The following CCDC187 variants were observed in gnomAD, a reference collection of about 807,000 sequenced individuals.
The protein encoded by CCDC187 is coiled-coil domain containing 187, also known as coiled-coil domain-containing protein 187.
Under a neutral mutation model 38.0 loss-of-function variants are expected in CCDC187, and 32 were observed. The ratio of observed to expected loss-of-function variants is 0.84; its 90% CI spans 0.64 to 1.13. The LOEUF is 1.13. Among genes scored for constraint, CCDC187 ranks in the 50% most tolerant of loss-of-function variants. The probability of loss-of-function intolerance (pLI) is 0.00; values close to 1 mark genes in which losing one functional copy is unlikely to be tolerated. For synonymous variants in CCDC187, 333 were observed against 347.9 expected (o/e 0.96, Z 0.48); for missense variants, 707 against 786.8 (o/e 0.90, Z 1.21).
chr9:136,300,946 G>A (rs1375445775), intron 2 of CCDC187, among the ~76,000 whole-genome samples: 1 of 152,204 alleles, frequency 6.6e-6, no homozygotes, highest in Non-Finnish European at 1.5e-5. Context: ...CCAGGCCTGA[G>A]AATGCATCCA....
rs1564305004 is a variant in CCDC187, at chr9:136,255,144, G to A, written c.4694-10C>T. On this transcript the variant is annotated splice_polypyrimidine_tract_variant and intron_variant, in intron 25 of 25. Coordinates refer to ENST00000638797, the MANE Select transcript of CCDC187 (RefSeq NM_001378188.1). ...GGGACCACAGGAGCTGCTAAGAGAG[G>A]GGGCAATCAACAGTGGTCACCCTCT... The A allele has an allele frequency of 1.0e-6, 1 of 985,116 alleles. No individual in the cohort carries two copies. Among genetic ancestry groups the A allele is most frequent in the East Asian group, 1.1e-4 (1 of 8,816 alleles). 61.0% of individuals were successfully genotyped at this position (985,116 alleles called of 1,614,324 possible).
upstream of CCDC187, among the ~76,000 whole-genome samples, chr9:136,305,131 A>T (rs2131376736): frequency 6.6e-6 from 1 of 152,308 alleles, no homozygotes; most frequent in South Asian, 2.1e-4. Flanking sequence ...GGGAGAGAGG[A>T]GCCATCCAAA....
chr9:136,306,881 T>TG (rs1458559798), upstream of CCDC187: 1 of 152,278 alleles, frequency 6.6e-6, no homozygotes, highest in Non-Finnish European at 1.5e-5. Context: ...CGGCTGTCTC[T>TG]GAGGCCGGTG....
chr9:136,262,138 C>T (rs1308136073), intron 19 of CCDC187, among the ~76,000 whole-genome samples, 173 bp downstream of exon 19: 1 of 152,284 alleles, frequency 6.6e-6, no homozygotes, highest in Non-Finnish European at 1.5e-5. Context: ...TGAGCTGCCA[C>T]CGGCCGGCAG....
intron 7 of CCDC187, 46 bp downstream of exon 7, chr9:136,289,913 C>CT (rs1456164186): frequency 7.6e-6 from 3 of 392,556 alleles, no homozygotes; most frequent in East Asian, 7.2e-5. Context: ...TTGGCCCCCC[C>CT]CAAGGCCCCG....
chr9:136,252,642 C>T lies in CCDC187; in HGVS notation c.*952G>A. The T allele has an allele frequency of 6.3e-6, 1 of 159,488 alleles. No homozygotes were observed. 9.9% of individuals were successfully genotyped at this position (159,488 alleles called of 1,614,324 possible). A position where few individuals can be genotyped will look rare whatever the true frequency, so the allele number is the denominator to read the frequency against. ...TTACTCCCACGTGTGCATGTGTATG[C>T]CACACACAGCTCACAATGACATTGT... is the stretch of plus-strand genomic sequence containing the variant. On this transcript the variant is annotated 3_prime_UTR_variant, in exon 26 of 26. Coordinates refer to ENST00000638797, the MANE Select transcript of CCDC187 (RefSeq NM_001378188.1).
At chr9:136,306,393 C>T (rs1831804462), upstream of CCDC187, among the ~76,000 whole-genome samples, 2 of 152,216 alleles carry the variant, frequency 1.3e-5, no homozygotes, top group African/African-American at 4.8e-5. Flanking sequence ...TCTGTCACCC[C>T]TCCTGAGCCT....
At chr9:136,294,044 AC>A (rs1406867796) in intron 4 of CCDC187, among the ~76,000 whole-genome samples, 4 of 150,976 alleles carry the variant, frequency 2.6e-5, no homozygotes, top group African/African-American at 7.4e-5. Context: ...ACTCATATAC[AC>A]ACGCCCTCAC....
intron 16 of CCDC187, chr9:136,266,605 C>T (rs530065010): frequency 4.6e-5 from 7 of 152,316 alleles, no homozygotes; most frequent in Admixed American, 2.6e-4. Flanking sequence ...CCTAGAGGCC[C>T]GGAGATCCGG....
At position 136,302,957 on chromosome 9, in the gene CCDC187, C is replaced by T. The variant is rs2131371206; in HGVS notation, c.480G>A (p.Arg160=). The T allele has an allele frequency of 2.5e-6, 1 of 398,742 alleles. No individual in the cohort carries two copies. Among genetic ancestry groups the T allele is most frequent in the East Asian group, 3.6e-5 (1 of 28,076 alleles). 24.7% of individuals were successfully genotyped at this position (398,742 alleles called of 1,614,324 possible). A position where few individuals can be genotyped will look rare whatever the true frequency, so the allele number is the denominator to read the frequency against. The change falls in exon 2 of 26, where the codon CGG becomes CGA. Residue 160 remains arginine, a synonymous_variant. Transcript: ENST00000638797. The part of the protein sequence containing the change: ...ARLEQLRDKI[R]AQAWQQGSCA... ...AGCTCCCCTGCTGCCACGCCTGGGC[C>T]CGGATCTTGTCTCTCAGCTGCTCCA...
chr9:136,292,536 C>T (rs1275625188), intron 4 of CCDC187, among the ~76,000 whole-genome samples: 3 of 152,186 alleles, frequency 2.0e-5, no homozygotes, highest in Non-Finnish European at 4.4e-5. Flanking sequence ...CCTCAGAGTC[C>T]TCCTCCTCCC....
At chr9:136,261,631 G>A (rs1564307880) in intron 19 of CCDC187, among the ~76,000 whole-genome samples, 3 of 152,232 alleles carry the variant, frequency 2.0e-5, no homozygotes, top group Non-Finnish European at 4.4e-5. Flanking sequence ...AAAGCTTCAG[G>A]AGGAGGCACG....
intron 9 of CCDC187, among the ~76,000 whole-genome samples, chr9:136,284,455 G>A (rs1472071648): frequency 1.3e-5 from 2 of 152,166 alleles, no homozygotes; most frequent in Non-Finnish European, 2.9e-5. Context: ...CTGAGTTTTC[G>A]AGCCCGGGTT....
At chr9:136,256,559 G>A (rs1830614909) in intron 23 of CCDC187, 146 bp downstream of exon 23, 2 of 152,612 alleles carry the variant, frequency 1.3e-5, no homozygotes, top group South Asian at 4.1e-4. Flanking sequence ...GTGAGACCCA[G>A]AGAACTGGCA....
chr9:136,293,913 C>G (rs1243476512), intron 4 of CCDC187, among the ~76,000 whole-genome samples: 6 of 151,194 alleles, frequency 4.0e-5, no homozygotes, highest in Admixed American at 6.6e-5. Context: ...CACTCATACA[C>G]TCATATACAC....
intron 4 of CCDC187, among the ~76,000 whole-genome samples, chr9:136,295,023 T>A (rs1011827476): frequency 1.3e-5 from 2 of 152,164 alleles, no homozygotes; most frequent in African/African-American, 4.8e-5. Context: ...TCACAGCACC[T>A]CCCATAGGGC....
intron 17 of CCDC187, among the ~76,000 whole-genome samples, chr9:136,265,146 T>C (rs1564309131): frequency 6.6e-6 from 1 of 152,176 alleles, no homozygotes; most frequent in Non-Finnish European, 1.5e-5. Flanking sequence ...CCGCGACCTG[T>C]GAGGAGCCCT....
chr9:136,268,873 C>T (rs73670222), intron 14 of CCDC187, among the ~76,000 whole-genome samples: 246 of 152,300 alleles, frequency 1.6e-3, no homozygotes, highest in African/African-American at 5.6e-3. Context: ...GGCTTACTGC[C>T]TCAGAGAGTT....
Position 136,258,868 on chromosome 9 carries a change from C to T in CCDC187, c.4366+64G>A, listed in dbSNP as rs1830646781. ...GCTGAGCTCCAGCCTCGGACAGGCT[C>T]TGCTGGATGTGGGGGAAGTGTCTGG... On this transcript the variant is annotated intron_variant, in intron 22 of 25. Transcript: ENST00000638797. This position sits in a 1 kb window ranked among gnomAD's most constrained non-coding sequence, Gnocchi z 4.3. The T allele has an allele frequency of 1.0e-6, 1 of 985,458 alleles. No individual in the cohort carries two copies. Among genetic ancestry groups the T allele is most frequent in the African/African-American group, 1.7e-5 (1 of 57,262 alleles). 61.0% of individuals were successfully genotyped at this position (985,458 alleles called of 1,614,324 possible).
Sources: gnomAD v4.1 joint callset for allele counts (sites outside exome capture counted in the v4.1 genomes callset) on GRCh38, gnomAD v4.1.1 for gene constraint, Gnocchi (gnomAD v3.1) non-coding constraint, MANE v1.5 for transcripts, NCBI Gene and HGNC (gene_info 2026-07-23, HGNC 2026-07-21) for gene names.